The following CFAP44 variants were observed in gnomAD, a reference collection of about 807,000 sequenced individuals.
CFAP44 encodes cilia and flagella associated protein 44.
CFAP44 carries 134 observed loss-of-function variants against 216.2 expected under a neutral mutation model. The observed-to-expected ratio is 0.62, with a 90% CI of 0.54 to 0.72. CFAP44 has a LOEUF of 0.72. Among genes scored for constraint, CFAP44 ranks in the 30% least tolerant of loss-of-function variants. The probability of loss-of-function intolerance (pLI) is 0.00; values close to 1 mark genes in which losing one functional copy is unlikely to be tolerated. For synonymous variants in CFAP44, 700 were observed against 727.6 expected (o/e 0.96, Z 0.61); for missense variants, 2,035 against 2,182.1 (o/e 0.93, Z 1.34).
At chr3:113,424,489 TATAC>T (rs1287751641) in intron 4 of CFAP44, among the ~76,000 whole-genome samples, 1 of 152,088 alleles carries the variant, frequency 6.6e-6, no homozygotes, top group Non-Finnish European at 1.5e-5. Context: ...ATCAATATAA[TATAC>T]TAATAATCAT....
At chr3:113,387,542 G>A (rs1394118648) in intron 15 of CFAP44, among the ~76,000 whole-genome samples, 4 of 152,070 alleles carry the variant, frequency 2.6e-5, no homozygotes, top group Admixed American at 6.5e-5. Flanking sequence ...AACAGTGATG[G>A]CCAGGTAGTA....
chr3:113,315,083 C>T lies in CFAP44; in HGVS notation c.4517-6815G>A, dbSNP rs551518151. ...TAAATAACAGACAAGCTCTAAAATA[C>T]CAACAATTGTATTAAATGTAAATGG... On this transcript the variant is annotated intron_variant, in intron 28 of 34. Transcript: ENST00000393845. Among the ~76,000 whole-genome samples the T allele has an allele frequency of 5.9e-5, 9 of 151,938 alleles. No individual in the cohort carries two copies. In the East Asian group the frequency reaches 7.7e-4, roughly 13 times the overall value.
chr3:113,419,381 T>G (rs1559943571), intron 5 of CFAP44, among the ~76,000 whole-genome samples: 1 of 152,208 alleles, frequency 6.6e-6, no homozygotes, highest in Non-Finnish European at 1.5e-5. Flanking sequence ...TCTTCTTCAT[T>G]TAAATTCCCC....
rs548957507 is a variant in CFAP44 at position 113,412,315 on chromosome 3, C to A, written c.674-2993G>T. ...TTCATTTTACTCTATGGATTCACCT[C>A]AAATTATTTCTTGCACAAGGTCTAA... On this transcript the variant is annotated intron_variant, in intron 6 of 34. Coordinates refer to ENST00000393845, the MANE Select transcript of CFAP44 (RefSeq NM_001164496.2). Among the ~76,000 whole-genome samples, 166 of 152,228 alleles carry A rather than the reference C, an allele frequency of 1.1e-3. 1 individual carries two copies. Among genetic ancestry groups the A allele is most frequent in the South Asian group, 5.0e-3 (24 of 4,818 alleles).
At chr3:113,424,328 C>T (rs1322232947) in intron 4 of CFAP44, among the ~76,000 whole-genome samples, 2 of 151,966 alleles carry the variant, frequency 1.3e-5, no homozygotes, top group African/African-American at 2.4e-5. Flanking sequence ...CCCAGCTACT[C>T]GGGAGGCTGA....
At chr3:113,382,265 G>A (rs1266142250) in intron 15 of CFAP44, among the ~76,000 whole-genome samples, 1 of 152,156 alleles carries the variant, frequency 6.6e-6, no homozygotes, top group Non-Finnish European at 1.5e-5. Context: ...AAAAGTGAAA[G>A]CGAGATGGTA....
rs760110273 is a variant in CFAP44, at chr3:113,372,923, T to C, written c.2444+488A>G. Among the ~76,000 whole-genome samples, 6 of 152,198 alleles carry C rather than the reference T, an allele frequency of 3.9e-5. No homozygotes were observed. In the South Asian group the frequency reaches 8.3e-4, roughly 21 times the overall value. ...CTGTGAGAAAAAAAATTCTGCTGTA[T>C]AAGCCACCTAGTCTGTGGTGTTTTA... On this transcript the variant is annotated intron_variant, in intron 18 of 34. Transcript: ENST00000393845.
intron 22 of CFAP44, among the ~76,000 whole-genome samples, chr3:113,357,468 T>A (rs1950501772): frequency 6.6e-6 from 1 of 151,970 alleles, no homozygotes. Flanking sequence ...AGCAGAGGAT[T>A]TGGAGAGATG....
chr3:113,437,420 C>G (rs1480844682), intron 1 of CFAP44, among the ~76,000 whole-genome samples: 3 of 152,076 alleles, frequency 2.0e-5, no homozygotes, highest in African/African-American at 4.8e-5. Flanking sequence ...ACTCTGAAAA[C>G]AAGAGTTGAA....
chr3:113,351,918 C>A (rs1044863100), intron 22 of CFAP44, among the ~76,000 whole-genome samples: 8 of 152,172 alleles, frequency 5.3e-5, no homozygotes, highest in African/African-American at 1.9e-4. Context: ...CCTGGATTGA[C>A]CCACTGGCCC....
In CFAP44 at chr3:113,306,595, A is replaced by AG. The variant is rs1054580240; in HGVS notation, c.4628-265dup. Among the ~76,000 whole-genome samples the AG allele has an allele frequency of 1.7e-4, 26 of 152,354 alleles. 1 individual carries two copies. Among genetic ancestry groups the AG allele is most frequent in the Admixed American group, 1.6e-3 (25 of 15,308 alleles). On this transcript the variant is annotated intron_variant, in intron 29 of 34. Transcript: ENST00000393845. ...CCCTTTATGTATGTTATCTCACTCA[A>AG]GGCTCATAGACCCTGCAAGGCAGAA...
chr3:113,318,866 A>C (rs60487041), intron 28 of CFAP44, among the ~76,000 whole-genome samples: 14,093 of 152,048 alleles, frequency 0.093, 861 homozygotes, highest in African/African-American at 0.17. Context: ...CCTTCTCAGT[A>C]AAGCAAATGC....
At position 113,374,363 on chromosome 3, in the gene CFAP44, T is replaced by TTTTATTCATTTATTTA. The variant is rs373863394; in HGVS notation, c.2299-808_2299-807insTAAATAAATGAATAAA. 6.8e-5 allele frequency among the ~76,000 whole-genome samples: 10 copies of TTTTATTCATTTATTTA among 146,764 alleles called. No individual in the cohort carries two copies. The South Asian group carries it at 1.8e-3, about 26-fold the overall frequency. On this transcript the variant is annotated intron_variant, in intron 17 of 34. Transcript: ENST00000393845. ...ACTCCCTGGAGCAACTGTCAATTTC[T>TTTTATTCATTTATTTA]TTTATTTATTTATTTATTTATTTAT...
rs770404311 is a variant in CFAP44 at position 113,330,552 on chromosome 3, A to G, written c.3732T>C (p.Thr1244=). 1 of 1,537,252 alleles carries G rather than the reference A, an allele frequency of 6.5e-7. No individual in the cohort carries two copies. The highest frequency in any genetic ancestry group is 1.2e-5 in the South Asian group (1 of 84,060). ...TGGGTATGTGCTTGGATATGTGAAG[A>G]GTCGACTGAATGTTCTTCAGTTCTT... is the stretch of plus-strand genomic sequence containing the variant. ...LVQELKNIQS[T]LHISKHIPIP... The change falls in exon 26 of 35, where the codon ACT becomes ACC. Residue 1244 remains threonine, a synonymous_variant. Transcript: ENST00000393845.
At chr3:113,296,607 G>C in intron 33 of CFAP44, 118 bp downstream of exon 33, 1 of 1,197,170 alleles carries the variant, frequency 8.4e-7, no homozygotes, top group Non-Finnish European at 1.1e-6. Flanking sequence ...GGCAGCCAAA[G>C]GGGGCTCGCG....
At chr3:113,404,223 T>C (rs72944563) in intron 8 of CFAP44, among the ~76,000 whole-genome samples, 1 of 152,202 alleles carries the variant, frequency 6.6e-6, no homozygotes, top group East Asian at 1.9e-4. Flanking sequence ...CTTCCAGCAA[T>C]ATGATCAGTT....
At position 113,327,627 on chromosome 3, in the gene CFAP44, G is replaced by T; in HGVS notation, c.4309C>A (p.Gln1437Lys). The T allele has an allele frequency of 6.5e-7, 1 of 1,536,738 alleles. No homozygotes were observed. The highest frequency in any genetic ancestry group is 8.7e-7 in the Non-Finnish European group (1 of 1,146,516). Residue 1437 changes from glutamine (Q) to lysine (K), a missense_variant, in exon 27 of 35, where the codon CAG becomes AAG. By Grantham distance (53) the Gln-to-Lys change is moderately conservative. Around this residue, in one of 3 missense-constraint regions of CFAP44, gnomAD observed 1,883 missense variants for 2,023.7 expected, o/e 0.93. Coordinates refer to ENST00000393845, the MANE Select transcript of CFAP44 (RefSeq NM_001164496.2). ...CTGCCCACTCATACTTGCATGTACT[G>T]TTCCTCTTTGTCTAAGGAATTAACA... ...ERVNSLDKEEQYMQWKINETL... is the reference protein window; with the variant it reads ...ERVNSLDKEEKYMQWKINETL...
chr3:113,325,290 G>A (rs1342127241), intron 28 of CFAP44, among the ~76,000 whole-genome samples: 2 of 132,900 alleles, frequency 1.5e-5, no homozygotes, highest in African/African-American at 2.9e-5. Flanking sequence ...GACAGAGCCA[G>A]ACTCCGTCTC....
chr3:113,383,042 C>G (rs965312093), intron 15 of CFAP44, among the ~76,000 whole-genome samples: 2 of 152,212 alleles, frequency 1.3e-5, no homozygotes, highest in African/African-American at 4.8e-5. Context: ...ATAACTATCT[C>G]CAGCAGCCTT....
Sources: gnomAD v4.1 joint callset for allele counts (sites outside exome capture counted in the v4.1 genomes callset) on GRCh38, gnomAD v4.1.1 for gene constraint, gnomAD v4.1.1 regional missense constraint, MANE v1.5 for transcripts, NCBI Gene and HGNC (gene_info 2026-07-23, HGNC 2026-07-21) for gene names.